RTF1: variants seen among roughly 807,000 people sequenced by gnomAD.
The protein encoded by RTF1 is RTF1 homolog, Paf1/RNA polymerase II complex component.
In RTF1, 10 loss-of-function variants were observed where a neutral mutation model predicts 95.7. The ratio of observed to expected loss-of-function variants is 0.10; its 90% CI spans 0.06 to 0.18. The LOEUF (loss-of-function observed/expected upper bound fraction) is 0.18, where lower values mean the gene tolerates loss of function less well. Ranked by LOEUF, RTF1 falls within the 10% of genes least tolerant of loss-of-function variation. RTF1 has a pLI of 1.00. For missense variants in RTF1, 458 were observed against 875.6 expected (o/e 0.52, Z 6.02); for synonymous variants, 305 against 311.8 (o/e 0.98, Z 0.23).
intron 9 of RTF1, 100 bp downstream of exon 9, chr15:41,474,802 CGCTATGTATGCA>C: frequency 2.3e-6 from 2 of 864,108 alleles, no homozygotes; most frequent in African/African-American, 1.6e-5. Context: ...TTACCATGAA[CGCTATGTATGCA>C]ATCCCCACAA....
At chr15:41,446,257 G>A (rs560580078) in intron 2 of RTF1, among the ~76,000 whole-genome samples, 1 of 152,174 alleles carries the variant, frequency 6.6e-6, no homozygotes, top group East Asian at 1.9e-4. Flanking sequence ...CCCCACAGAT[G>A]AGAGAACAGA....
chr15:41,477,376 C>T, intron 13 of RTF1, 82 bp from the exon 14 acceptor site: 18 of 1,612,422 alleles, frequency 1.1e-5, no homozygotes, highest in Non-Finnish European at 1.4e-5. Context: ...TGCACTGACC[C>T]CATAGATATC....
chr15:41,462,609 A>G lies in RTF1; in HGVS notation c.663-2162A>G, dbSNP rs576721452. Among the ~76,000 whole-genome samples, 7 of 152,300 alleles carry G rather than the reference A, an allele frequency of 4.6e-5. No individual in the cohort carries two copies. The East Asian group carries it at 5.8e-4, about 13-fold the overall frequency. On this transcript the variant is annotated intron_variant, in intron 4 of 17. Transcript: ENST00000389629. ...TAAAGTGTATAATTCATTGGTTTTT[A>G]TATGTCCACAGAGTTGTGCAATCAT...
chr15:41,457,278 G>A (rs1218664820), intron 3 of RTF1, among the ~76,000 whole-genome samples: 2 of 151,980 alleles, frequency 1.3e-5, no homozygotes, highest in Admixed American at 6.6e-5. Context: ...GCTCACGCCT[G>A]TAATCCCAGC....
chr15:41,447,364 T>C (rs1159435534), intron 2 of RTF1, among the ~76,000 whole-genome samples: 1 of 152,158 alleles, frequency 6.6e-6, no homozygotes, highest in Non-Finnish European at 1.5e-5. Context: ...TTTCTTCCCA[T>C]CTTTCAGTTG....
chr15:41,431,864 G>A (rs573678024), intron 1 of RTF1, among the ~76,000 whole-genome samples: 4 of 150,912 alleles, frequency 2.7e-5, no homozygotes, highest in African/African-American at 7.3e-5. Context: ...GCAGTGGCAC[G>A]ATCTTGGCCC....
intron 6 of RTF1, among the ~76,000 whole-genome samples, chr15:41,469,024 A>G (rs2050895916): frequency 6.6e-6 from 1 of 152,040 alleles, no homozygotes; most frequent in Non-Finnish European, 1.5e-5. Context: ...TCTGGAGTGC[A>G]GTGGCGCGAT....
intron 4 of RTF1, among the ~76,000 whole-genome samples, chr15:41,464,186 C>T (rs1268442379): frequency 6.6e-6 from 1 of 151,392 alleles, no homozygotes; most frequent in Non-Finnish European, 1.5e-5. Context: ...GATGGAATCT[C>T]ACTCTGTCGC....
intron 2 of RTF1, among the ~76,000 whole-genome samples, chr15:41,442,394 C>T (rs946356157): frequency 1.3e-5 from 2 of 151,804 alleles, no homozygotes; most frequent in South Asian, 2.1e-4. Flanking sequence ...ATCTTGATAT[C>T]CTGACCTCAT....
At chr15:41,451,224 A>G (rs1022909783) in intron 2 of RTF1, among the ~76,000 whole-genome samples, 8 of 152,088 alleles carry the variant, frequency 5.3e-5, no homozygotes, top group African/African-American at 1.7e-4. Context: ...ATGTAGAAAT[A>G]TTACGTTAAT....
rs1203904613 is a variant in RTF1, at chr15:41,442,933, A to G, written c.309+4502A>G. On this transcript the variant is annotated intron_variant, in intron 2 of 17. Coordinates refer to ENST00000389629, the MANE Select transcript of RTF1 (RefSeq NM_015138.5). ...AAAGTGGCAATTTTCCATCAGAGGA[A>G]GCCCTCCTTGTACCAGAAGCTGCCC... is the stretch of plus-strand genomic sequence containing the variant. Among the ~76,000 whole-genome samples the G allele has an allele frequency of 2.6e-5, 4 of 152,140 alleles. No individual in the cohort carries two copies. The East Asian group carries it at 7.7e-4, about 29-fold the overall frequency.
rs1271285566 is a variant in RTF1 at position 41,453,104 on chromosome 15, G to A, written c.457+56G>A. The stretch of plus-strand genomic sequence containing the variant: ...AACTCCCACTCTTGTCAGCTTGAAG[G>A]TGCAAAGGCAGAAGTGGGGAGGAAG... On this transcript the variant is annotated intron_variant, in intron 3 of 17. Transcript: ENST00000389629. 7.6e-6 allele frequency: 11 copies of A among 1,452,230 alleles called. No homozygotes were observed. In the East Asian group the frequency reaches 2.0e-4, roughly 26 times the overall value. 90.0% of individuals were successfully genotyped at this position (1,452,230 alleles called of 1,614,324 possible). A position where few individuals can be genotyped will look rare whatever the true frequency, so the allele number is the denominator to read the frequency against.
Position 41,449,227 on chromosome 15 carries a change from A to ATTTTTTTTTTTTTT in RTF1, c.310-3666_310-3653dup, listed in dbSNP as rs34660598. On this transcript the variant is annotated intron_variant, in intron 2 of 17. Transcript: ENST00000389629. ...TTGTCCCTGTTGTGGAGGCAGGTGA[A>ATTTTTTTTTTTTTT]TTTTTTTTTTTTTTTTTTTTTGAGA... 6.1e-3 allele frequency among the ~76,000 whole-genome samples: 670 copies of ATTTTTTTTTTTTTT among 109,242 alleles called. 22 individuals are homozygous for ATTTTTTTTTTTTTT. Among genetic ancestry groups the ATTTTTTTTTTTTTT allele is most frequent in the African/African-American group, 0.01 (272 of 26,378 alleles). The allele number at this position is 109,242 out of a possible 152,430, so 71.7% of individuals were successfully genotyped here.
In RTF1 at chr15:41,482,322, A is replaced by G. The variant is rs1190099319; in HGVS notation, c.*1635A>G. The G allele has an allele frequency of 1.3e-5, 2 of 152,636 alleles. No individual in the cohort carries two copies. Among genetic ancestry groups the G allele is most frequent in the Non-Finnish European group, 2.9e-5 (2 of 68,036 alleles). 9.5% of individuals were successfully genotyped at this position (152,636 alleles called of 1,614,324 possible). A position where few individuals can be genotyped will look rare whatever the true frequency, so the allele number is the denominator to read the frequency against. On this transcript the variant is annotated 3_prime_UTR_variant, in exon 18 of 18. Coordinates refer to ENST00000389629, the MANE Select transcript of RTF1 (RefSeq NM_015138.5). ...CAGAACAAAGTACAGCTGACTATAT[A>G]TACCAAGAGCTAAGCTAAAGGAACA...
At chr15:41,418,876 A>G (rs1008390633) in intron 1 of RTF1, among the ~76,000 whole-genome samples, 1 of 151,216 alleles carries the variant, frequency 6.6e-6, no homozygotes, top group African/African-American at 2.4e-5. Context: ...TTTTTTTGAG[A>G]CGGAGTCTCG....
chr15:41,432,631 G>A (rs2050681137), intron 1 of RTF1, among the ~76,000 whole-genome samples: 1 of 151,700 alleles, frequency 6.6e-6, no homozygotes, highest in African/African-American at 2.4e-5. Flanking sequence ...CTCTTATAAC[G>A]AATTGGTATT....
chr15:41,481,439 CT>C lies in RTF1; in HGVS notation c.*754del, dbSNP rs2050974469. 1 of 152,628 alleles carries C rather than the reference CT, an allele frequency of 6.6e-6. No individual in the cohort carries two copies. Among genetic ancestry groups the C allele is most frequent in the Admixed American group, 6.5e-5 (1 of 15,278 alleles). The allele number at this position is 152,628 out of a possible 1,614,324, so 9.5% of individuals were successfully genotyped here. ...AAGAAACTCATTAAATGTGATTCTT[CT>C]TACTAAACAGGCCTGACTGCTGTAG... On this transcript the variant is annotated 3_prime_UTR_variant, in exon 18 of 18. Transcript: ENST00000389629.
intron 6 of RTF1, among the ~76,000 whole-genome samples, chr15:41,468,611 C>A (rs533728161): frequency 9.9e-5 from 15 of 152,266 alleles, no homozygotes; most frequent in Non-Finnish European, 8.8e-5. Flanking sequence ...GCCACCGCAC[C>A]CGGCCTAAAG....
At chr15:41,477,817 GA>G (rs2050949396) in intron 14 of RTF1, among the ~76,000 whole-genome samples, 1 of 152,150 alleles carries the variant, frequency 6.6e-6, no homozygotes, top group Non-Finnish European at 1.5e-5. Context: ...AAGGGAAAAG[GA>G]TAATATGCCG....
Sources: gnomAD v4.1 joint callset for allele counts (sites outside exome capture counted in the v4.1 genomes callset) on GRCh38, gnomAD v4.1.1 for gene constraint, MANE v1.5 for transcripts, NCBI Gene and HGNC (gene_info 2026-07-23, HGNC 2026-07-21) for gene names.